The following ADCY9 variants were observed in gnomAD, a reference collection of about 807,000 sequenced individuals.
ADCY9 encodes adenylate cyclase 9.
ADCY9 carries 50 observed loss-of-function variants against 101.5 expected under a neutral mutation model. The observed-to-expected ratio is 0.49, with a 90% CI of 0.39 to 0.62. The LOEUF is 0.62. Ranked by LOEUF, ADCY9 falls within the 20% of genes least tolerant of loss-of-function variation. The pLI is 0.00. For missense variants in ADCY9, 1,662 were observed against 1,800.4 expected, an observed-to-expected ratio of 0.92 and a Z score of 1.39; for synonymous variants, 905 against 769.3, an observed-to-expected ratio of 1.18 and a Z score of -2.92.
At chr16:4,021,271 G>A (rs1430528924) in intron 2 of ADCY9, among the ~76,000 whole-genome samples, 2 of 152,244 alleles carry the variant, frequency 1.3e-5, no homozygotes, top group Non-Finnish European at 2.9e-5. Context: ...TGAAGCCACA[G>A]TGCTAACAAG....
In ADCY9 at chr16:4,093,828, T is replaced by C. The variant is rs1051373126; in HGVS notation, c.1693+19922A>G. Among the ~76,000 whole-genome samples, 8 of 152,292 alleles carry C rather than the reference T, an allele frequency of 5.3e-5. No homozygotes were observed. In the South Asian group the frequency reaches 1.2e-3, roughly 24 times the overall value. On this transcript the variant is annotated intron_variant, in intron 2 of 10. Transcript: ENST00000294016. ...TAAAATTATTACTAAGCTAAGAACCTTGCTGCTATTACTTGTTCAGGAAAG... is the reference window on the plus strand; with the variant it reads ...TAAAATTATTACTAAGCTAAGAACCCTGCTGCTATTACTTGTTCAGGAAAG...
rs568068598 is a variant in ADCY9, at chr16:4,066,446, G to A, written c.1693+47304C>T. Among the ~76,000 whole-genome samples, 8 of 152,164 alleles carry A rather than the reference G, an allele frequency of 5.3e-5. No homozygotes were observed. In the South Asian group the frequency reaches 1.7e-3, roughly 32 times the overall value. On this transcript the variant is annotated intron_variant, in intron 2 of 10. Transcript: ENST00000294016. ...CTGTTGCCCAGGCTGGAGTGCAGGG[G>A]CACGATCAGGGCTCACTGCAGGCTC...
At chr16:3,970,221 G>A (rs957327320) in intron 10 of ADCY9, among the ~76,000 whole-genome samples, 1 of 151,340 alleles carries the variant, frequency 6.6e-6, no homozygotes, top group African/African-American at 2.4e-5. Flanking sequence ...TTTAGAGACA[G>A]GGTCTCGCCA....
At chr16:4,062,569 G>C (rs2056779116) in intron 2 of ADCY9, among the ~76,000 whole-genome samples, 1 of 152,098 alleles carries the variant, frequency 6.6e-6, no homozygotes, top group African/African-American at 2.4e-5. Context: ...ATCAAAGTAA[G>C]TATGGGAGGC....
At chr16:3,983,589 T>A (rs1254535614) in intron 6 of ADCY9, 149 bp from the exon 7 acceptor site, 1 of 669,090 alleles carries the variant, frequency 1.5e-6, no homozygotes, top group Admixed American at 2.6e-5. Context: ...TGTCTCCCTC[T>A]ACTACCCCAT....
intron 2 of ADCY9, among the ~76,000 whole-genome samples, chr16:4,022,487 T>C (rs1328639552): frequency 8.1e-5 from 4 of 49,358 alleles, no homozygotes; most frequent in Non-Finnish European, 1.0e-4. Flanking sequence ...CGAGACTCCG[T>C]CTCAAAAAAA....
chr16:4,076,407 G>A (rs941242868), intron 2 of ADCY9, among the ~76,000 whole-genome samples: 1 of 152,106 alleles, frequency 6.6e-6, no homozygotes, highest in Non-Finnish European at 1.5e-5. Flanking sequence ...TTGCATTTTT[G>A]TGTGCCCAAA....
Position 3,965,895 on chromosome 16 carries a change from C to G in ADCY9, c.3942G>C (p.Glu1314Asp), listed in dbSNP as rs545884748. The G allele has an allele frequency of 4.3e-6, 7 of 1,614,224 alleles. No homozygotes were observed. In the South Asian group the frequency reaches 7.7e-5, roughly 18 times the overall value. ...AHLSPKRPWK[E>D]PVKAEERGRF... ...GACCCCTTTCTTCGGCTTTGACGGG[C>G]TCCTTCCACGGTCTCTTGGGGGACA... The change falls in exon 11 of 11, where the codon GAG becomes GAC. Residue 1314 changes from glutamate (E) to aspartate (D), a missense_variant. Physicochemically the swap from Glu to Asp is conservative, Grantham distance 45. Transcript: ENST00000294016.
At chr16:4,034,360 C>A (rs1043549373) in intron 2 of ADCY9, among the ~76,000 whole-genome samples, 3 of 152,218 alleles carry the variant, frequency 2.0e-5, no homozygotes, top group Non-Finnish European at 4.4e-5. Flanking sequence ...TACTATCCGT[C>A]TTACAACCAA....
In ADCY9 at chr16:3,977,488, G is replaced by A. The variant is rs1039087539; in HGVS notation, c.2822C>T (p.Pro941Leu). ...PLLLLYVSLC[P>L]DSSVLTSPLD... The stretch of plus-strand genomic sequence containing the variant: ...AGCAGTGCTGGCCGCGTACCTGTCT[G>A]GGCACAGGGAGACGTAGAGCAGGAG... The change falls in exon 9 of 11, where the codon CCA (proline) becomes CTA (leucine). Residue 941 changes from proline (P) to leucine (L), a missense_variant. By Grantham distance (98) the Pro-to-Leu change is moderately conservative. This residue lies in a region of ADCY9 where 624 missense variants were observed against 639.1 expected (regional missense o/e 0.98). Coordinates refer to ENST00000294016, the MANE Select transcript of ADCY9 (RefSeq NM_001116.4). 4 of 1,564,352 alleles carry A rather than the reference G, an allele frequency of 2.6e-6. No individual in the cohort carries two copies. Among genetic ancestry groups the A allele is most frequent in the South Asian group, 2.3e-5 (2 of 85,428 alleles).
At chr16:3,961,449 A>C (rs75736118), downstream of ADCY9, among the ~76,000 whole-genome samples, 4 of 133,080 alleles carry the variant, frequency 3.0e-5, no homozygotes, top group African/African-American at 9.6e-5. Flanking sequence ...CCCTGTCTCC[A>C]AAAAAAAAAA....
chr16:3,983,669 C>T, intron 6 of ADCY9: 1 of 556,042 alleles, frequency 1.8e-6, no homozygotes, highest in Non-Finnish European at 3.2e-6. Context: ...TGGCTCACGC[C>T]TGTAATCCCG....
intron 9 of ADCY9, 113 bp from the exon 10 acceptor site, chr16:3,974,823 T>A: frequency 6.0e-6 from 5 of 834,426 alleles, no homozygotes; most frequent in East Asian, 5.1e-5. Flanking sequence ...TGGTTGTACA[T>A]CCACATAAAG....
chr16:3,991,764 A>T (rs12927791), intron 5 of ADCY9, among the ~76,000 whole-genome samples: 1,105 of 8,278 alleles, frequency 0.13, 150 homozygotes, highest in Non-Finnish European at 0.36. Flanking sequence ...TAGTCCTTAT[A>T]AAAAAAAAAA....
At chr16:4,077,311 CA>C (rs2056873951) in intron 2 of ADCY9, among the ~76,000 whole-genome samples, 1 of 152,152 alleles carries the variant, frequency 6.6e-6, no homozygotes, top group South Asian at 2.1e-4. Context: ...GAGAGATGAG[CA>C]GATTCACGAG....
At chr16:4,080,470 T>C (rs997489291) in intron 2 of ADCY9, among the ~76,000 whole-genome samples, 1 of 152,150 alleles carries the variant, frequency 6.6e-6, no homozygotes, top group Non-Finnish European at 1.5e-5. Context: ...TTGGCCAGGC[T>C]AGTCTCAAAC....
intron 2 of ADCY9, among the ~76,000 whole-genome samples, chr16:4,060,562 C>T (rs2056768462): frequency 1.3e-5 from 2 of 152,104 alleles, no homozygotes; most frequent in Admixed American, 1.3e-4. Flanking sequence ...ATAATCATTG[C>T]CTGACCACTA....
intron 9 of ADCY9, among the ~76,000 whole-genome samples, chr16:3,975,785 A>G (rs1220583868): frequency 6.6e-6 from 1 of 152,242 alleles, no homozygotes; most frequent in African/African-American, 2.4e-5. Context: ...AAGCAGTTAT[A>G]GGAAAAGCCC....
rs752796119 is a variant in ADCY9, at chr16:3,983,293, C to T, written c.2458G>A (p.Ala820Thr). ...EAATVPPPPAALAVFSAALLL... is the reference protein window; with the variant it reads ...EAATVPPPPATLAVFSAALLL... ...AGGGCTGCACTGAAGACCGCCAGGG[C>T]GGCGGGCGGGGGAGGCACGGTGGCC... The change falls in exon 7 of 11, where the codon GCC becomes ACC. Residue 820 changes from alanine (A) to threonine (T), a missense_variant. Around this residue, in one of 5 missense-constraint regions of ADCY9, gnomAD observed 624 missense variants for 639.1 expected, o/e 0.98. Transcript: ENST00000294016. 40 of 1,560,032 alleles carry T rather than the reference C, an allele frequency of 2.6e-5. No homozygotes were observed. The East Asian group carries it at 7.0e-4, about 27-fold the overall frequency.
Sources: gnomAD v4.1 joint callset for allele counts (sites outside exome capture counted in the v4.1 genomes callset) on GRCh38, gnomAD v4.1.1 for gene constraint, gnomAD v4.1.1 regional missense constraint, MANE v1.5 for transcripts, NCBI Gene and HGNC (gene_info 2026-07-23, HGNC 2026-07-21) for gene names.